The following ULK4 variants were observed in gnomAD, a reference collection of about 807,000 sequenced individuals.
The protein encoded by ULK4 is inactive serine/threonine-protein kinase ULK4.
In ULK4, 133 loss-of-function variants were observed where a neutral mutation model predicts 160.6. The ratio of observed to expected loss-of-function variants is 0.83; its 90% confidence interval spans 0.72 to 0.96. The LOEUF (loss-of-function observed/expected upper bound fraction) is 0.96. ULK4 is among the 40% of genes least tolerant of loss of function. The probability of loss-of-function intolerance (pLI) is 0.00; values close to 1 mark genes in which losing one functional copy is unlikely to be tolerated. For synonymous variants in ULK4, 534 were observed against 539.8 expected, an observed-to-expected ratio of 0.99 and a Z score of 0.15; for missense variants, 1,580 against 1,499.5, an observed-to-expected ratio of 1.05 and a Z score of -0.89.
At position 41,771,730 on chromosome 3, in the gene ULK4, C is replaced by T. The variant is rs115416548; in HGVS notation, c.2194-17242G>A. Among the ~76,000 whole-genome samples, 632 of 151,996 alleles carry T rather than the reference C, an allele frequency of 4.2e-3. 5 individuals are homozygous for T. The highest frequency in any genetic ancestry group is 0.017 in the Middle Eastern group (5 of 294). ...CGACTGAAACTTCCCCAGAGATCCT[C>T]GAAAAATTCAAAAGTGAAGCAAAGA... On this transcript the variant is annotated intron_variant, in intron 21 of 36. Transcript: ENST00000301831.
chr3:41,809,702 A>G (rs1315968353), intron 19 of ULK4, among the ~76,000 whole-genome samples: 3 of 152,172 alleles, frequency 2.0e-5, no homozygotes, highest in Non-Finnish European at 2.9e-5. Context: ...TCTGTGCCAC[A>G]CTATCTAAAT....
intron 27 of ULK4, among the ~76,000 whole-genome samples, chr3:41,703,870 ACACAC>A (rs749632882): frequency 2.2e-5 from 3 of 138,144 alleles, no homozygotes; most frequent in South Asian, 4.5e-4. Flanking sequence ...ACACACACAC[ACACAC>A]AAGTTAACTG....
chr3:41,457,924 C>T (rs2083592786), intron 33 of ULK4, among the ~76,000 whole-genome samples: 1 of 152,120 alleles, frequency 6.6e-6, no homozygotes, highest in African/African-American at 2.4e-5. Context: ...GTGATAGCAG[C>T]AGGGTTTGAG....
chr3:41,667,224 T>C (rs186096968), intron 29 of ULK4, among the ~76,000 whole-genome samples: 1 of 151,690 alleles, frequency 6.6e-6, no homozygotes, highest in Admixed American at 6.6e-5. Context: ...AATCAAAGTG[T>C]CTTGAGGTCG....
At position 41,906,950 on chromosome 3, in the gene ULK4, G is replaced by A. The variant is rs138439373; in HGVS notation, c.1182+895C>T. Reference sequence around the variant, plus strand: ...GGAGGTTACAGTGAGCCAAGATCGCGCCACTGCACTCCAGCCTGGCGACTG... The same window carrying A: ...GGAGGTTACAGTGAGCCAAGATCGCACCACTGCACTCCAGCCTGGCGACTG... On this transcript the variant is annotated intron_variant, in intron 12 of 36. Coordinates refer to ENST00000301831, the MANE Select transcript of ULK4 (RefSeq NM_017886.4). 2.0e-4 allele frequency among the ~76,000 whole-genome samples: 30 copies of A among 150,642 alleles called. No individual in the cohort carries two copies. In the East Asian group the frequency reaches 5.3e-3, roughly 27 times the overall value.
At position 41,903,761 on chromosome 3, in the gene ULK4, A is replaced by G. The variant is rs540473971; in HGVS notation, c.1183-2932T>C. 9.2e-5 allele frequency among the ~76,000 whole-genome samples: 14 copies of G among 152,346 alleles called. No homozygotes were observed. The East Asian group carries it at 1.2e-3, about 13-fold the overall frequency. ...TGTTCAGGAATAAACTAAATGATCA[A>G]TAATTGCAATCAGATCATAATCATT... On this transcript the variant is annotated intron_variant, in intron 12 of 36. Coordinates refer to ENST00000301831, the MANE Select transcript of ULK4 (RefSeq NM_017886.4).
chr3:41,782,165 T>G (rs1480700164), intron 21 of ULK4, among the ~76,000 whole-genome samples: 1 of 152,028 alleles, frequency 6.6e-6, no homozygotes, highest in Non-Finnish European at 1.5e-5. Flanking sequence ...AATTTTTTTT[T>G]TTTTTTGGGC....
intron 35 of ULK4, among the ~76,000 whole-genome samples, chr3:41,330,631 CT>C (rs369580332): frequency 1.3e-5 from 2 of 152,152 alleles, no homozygotes; most frequent in African/African-American, 4.8e-5. Context: ...ATGTTTACCC[CT>C]AAGTCATCTA....
chr3:41,408,427 CAAAAAAA>C (rs59444673), intron 34 of ULK4, among the ~76,000 whole-genome samples: 12 of 44,100 alleles, frequency 2.7e-4, no homozygotes, highest in East Asian at 2.6e-3. Flanking sequence ...GACTCCATCT[CAAAAAAA>C]AAAAAAAAAA....
At chr3:41,741,595 G>A (rs1313936554) in intron 22 of ULK4, among the ~76,000 whole-genome samples, 2 of 151,936 alleles carry the variant, frequency 1.3e-5, no homozygotes, top group Admixed American at 6.6e-5. Flanking sequence ...TAAATCAGAT[G>A]CATGCCTGTT....
intron 32 of ULK4, among the ~76,000 whole-genome samples, chr3:41,541,539 A>T (rs1440528160): frequency 1.3e-5 from 2 of 152,170 alleles, no homozygotes; most frequent in Non-Finnish European, 2.9e-5. Flanking sequence ...ATGAAATTTA[A>T]AGTAGTTTGT....
At chr3:41,574,089 G>GGAC (rs10656911) in intron 31 of ULK4, among the ~76,000 whole-genome samples, 6 of 151,664 alleles carry the variant, frequency 4.0e-5, no homozygotes, top group African/African-American at 1.5e-4. Flanking sequence ...GGCTGAGGCA[G>GGAC]AATTGCTTGA....
At chr3:41,560,426 G>T (rs1261032334) in intron 32 of ULK4, among the ~76,000 whole-genome samples, 1 of 152,150 alleles carries the variant, frequency 6.6e-6, no homozygotes, top group Non-Finnish European at 1.5e-5. Flanking sequence ...TGATGCGGAT[G>T]ACATTGAATC....
chr3:41,506,765 A>AAAAAAAAAAAATATATATATATAT (rs1491135487), intron 32 of ULK4, among the ~76,000 whole-genome samples: 6 of 10,462 alleles, frequency 5.7e-4, no homozygotes, highest in African/African-American at 8.4e-4. Context: ...AGTGTGATTT[A>AAAAAAAAAAAATATATATATATAT]AAATATATAT....
chr3:41,694,883 G>A (rs985258288), intron 27 of ULK4, among the ~76,000 whole-genome samples: 17 of 152,162 alleles, frequency 1.1e-4, no homozygotes, highest in Admixed American at 4.6e-4. Context: ...GGGCCAAACC[G>A]TCTGTGACTA....
At chr3:41,315,909 G>A (rs9844775) in intron 35 of ULK4, among the ~76,000 whole-genome samples, 22,762 of 152,114 alleles carry the variant, frequency 0.15, 1,990 homozygotes, top group African/African-American at 0.23. Flanking sequence ...ATGATAAAGA[G>A]GTCGAGAAAT....
intron 30 of ULK4, among the ~76,000 whole-genome samples, chr3:41,631,035 G>C (rs1575502123): frequency 6.6e-6 from 1 of 152,100 alleles, no homozygotes; most frequent in African/African-American, 2.4e-5. Flanking sequence ...TTGGATCAGT[G>C]AATCAGCTTC....
chr3:41,398,067 G>A lies in ULK4; in HGVS notation c.3678+12C>T. 6.2e-7 allele frequency: 1 copy of A among 1,610,440 alleles called. No individual in the cohort carries two copies. The highest frequency in any genetic ancestry group is 8.5e-7 in the Non-Finnish European group (1 of 1,178,166). On this transcript the variant is annotated intron_variant, in intron 35 of 36. Coordinates refer to ENST00000301831, the MANE Select transcript of ULK4 (RefSeq NM_017886.4). The stretch of plus-strand genomic sequence containing the variant: ...GCCACCCACAGTGTCCCCGGTTTCT[G>A]TGTGAACTCACCATTCTTCTGAGAA...
At position 41,810,344 on chromosome 3, in the gene ULK4, T is replaced by C. The variant is rs531685886; in HGVS notation, c.1848+9079A>G. On this transcript the variant is annotated intron_variant, in intron 19 of 36. Coordinates refer to ENST00000301831, the MANE Select transcript of ULK4 (RefSeq NM_017886.4). ...CAGTGTTTCCATTATTGTTACTATA[T>C]AGACAGTCCCAAGTCTCATTTTAAA... 2.6e-5 allele frequency among the ~76,000 whole-genome samples: 4 copies of C among 152,360 alleles called. No individual in the cohort carries two copies. In the South Asian group the frequency reaches 8.3e-4, roughly 32 times the overall value.
Sources: allele counts gnomAD v4.1 joint callset (sites outside exome capture counted in the v4.1 genomes callset), GRCh38; gene constraint gnomAD v4.1.1; transcripts MANE v1.5; gene names NCBI Gene and HGNC (gene_info 2026-07-23, HGNC 2026-07-21).